Variants in RASGEF1C observed in about 807,000 individuals in gnomAD.
RASGEF1C encodes ras-GEF domain-containing family member 1C.
Under a neutral mutation model 58.1 loss-of-function variants are expected in RASGEF1C, and 27 were observed. The ratio of observed to expected loss-of-function variants is 0.46; its 90% confidence interval spans 0.34 to 0.64. The LOEUF (loss-of-function observed/expected upper bound fraction) is 0.64. Among genes scored for constraint, RASGEF1C ranks in the 30% least tolerant of loss-of-function variants. RASGEF1C has a pLI of 0.01. For synonymous variants in RASGEF1C, 243 were observed against 246.3 expected, an observed-to-expected ratio of 0.99 and a Z score of 0.13; for missense variants, 502 against 605.1, an observed-to-expected ratio of 0.83 and a Z score of 1.79.
intron 1 of RASGEF1C, among the ~76,000 whole-genome samples, chr5:180,160,842 C>G (rs1338822716): frequency 6.6e-6 from 1 of 152,156 alleles, no homozygotes; most frequent in Non-Finnish European, 1.5e-5. Flanking sequence ...TACAAGTGCT[C>G]GAAGGCACTT....
intron 4 of RASGEF1C, among the ~76,000 whole-genome samples, chr5:180,134,287 A>G (rs1363132227): frequency 6.6e-6 from 1 of 151,614 alleles, no homozygotes; most frequent in Non-Finnish European, 1.5e-5. Context: ...GGACTGGGGA[A>G]CTCCTATTCC....
At chr5:180,116,668 C>T (rs1378605308) in intron 10 of RASGEF1C, among the ~76,000 whole-genome samples, 1 of 152,250 alleles carries the variant, frequency 6.6e-6, no homozygotes, top group Non-Finnish European at 1.5e-5. Context: ...TCTACCTGCC[C>T]CACAGCCCCC....
At chr5:180,105,353 G>A (rs1055878796) in intron 12 of RASGEF1C, among the ~76,000 whole-genome samples, 3 of 150,108 alleles carry the variant, frequency 2.0e-5, no homozygotes, top group Non-Finnish European at 3.0e-5. Context: ...ACGAGGTCAG[G>A]AGATGGAGAC....
At chr5:180,188,345 G>A (rs191577956) in intron 1 of RASGEF1C, among the ~76,000 whole-genome samples, 48 of 152,338 alleles carry the variant, frequency 3.2e-4, no homozygotes, top group Non-Finnish European at 5.4e-4. Flanking sequence ...GTGAGTAACT[G>A]CTAATGAGTA....
intron 7 of RASGEF1C, among the ~76,000 whole-genome samples, chr5:180,120,243 G>A (rs930477238): frequency 3.9e-5 from 6 of 152,214 alleles, no homozygotes; most frequent in Admixed American, 2.0e-4. Context: ...AGAGAGCTGC[G>A]CACCCAAGGC....
chr5:180,130,476 T>G (rs901871235), intron 4 of RASGEF1C, among the ~76,000 whole-genome samples: 3 of 152,134 alleles, frequency 2.0e-5, no homozygotes, highest in Non-Finnish European at 2.9e-5. Context: ...CTCCTGTCTC[T>G]CTCCCAGGCA....
At chr5:180,182,410 A>T (rs1270096355) in intron 1 of RASGEF1C, among the ~76,000 whole-genome samples, 1 of 152,026 alleles carries the variant, frequency 6.6e-6, no homozygotes, top group Non-Finnish European at 1.5e-5. Context: ...AGCAGCCGCA[A>T]GATTTATTGT....
rs201318370 is a variant in RASGEF1C at position 180,118,602 on chromosome 5, G to A, written c.1083+7C>T. On this transcript the variant is annotated splice_region_variant and intron_variant, in intron 10 of 13. Coordinates refer to ENST00000361132, the MANE Select transcript of RASGEF1C (RefSeq NM_175062.4). ...AGCCCCCCTGGGCCAACGTGGCCCC[G>A]ACCTACCTTCTCTCGGCTGCTGTGG... 2.2e-5 allele frequency: 35 copies of A among 1,603,254 alleles called. No individual in the cohort carries two copies. Among genetic ancestry groups the A allele is most frequent in the South Asian group, 1.8e-4 (16 of 89,206 alleles).
intron 1 of RASGEF1C, among the ~76,000 whole-genome samples, chr5:180,192,679 T>C (rs555826110): frequency 6.6e-6 from 1 of 152,170 alleles, no homozygotes; most frequent in Admixed American, 6.5e-5. Context: ...ATAGTGACTA[T>C]ACGTAGAAAT....
At chr5:180,180,362 G>C (rs1419211922) in intron 1 of RASGEF1C, among the ~76,000 whole-genome samples, 1 of 152,234 alleles carries the variant, frequency 6.6e-6, no homozygotes, top group Non-Finnish European at 1.5e-5. Context: ...TAAAGCCAGT[G>C]CCACCACTGC....
chr5:180,162,333 C>T (rs188624699), intron 1 of RASGEF1C, among the ~76,000 whole-genome samples: 92 of 152,342 alleles, frequency 6.0e-4, no homozygotes, highest in African/African-American at 2.1e-3. Context: ...TCCAGCTGGG[C>T]TGGGCAGTGG....
chr5:180,176,612 A>G lies in RASGEF1C; in HGVS notation c.-7+32416T>C, dbSNP rs546773080. Among the ~76,000 whole-genome samples the G allele has an allele frequency of 9.9e-4, 146 of 147,960 alleles. 1 individual carries two copies. The highest frequency in any genetic ancestry group is 3.5e-3 in the Middle Eastern group (1 of 286). ...TGCTCTGTCGCCCAGGCTGGAGTGC[A>G]GTGGCGCAATCTCGGCTCACTGCAA... On this transcript the variant is annotated intron_variant, in intron 1 of 13. Transcript: ENST00000361132.
intron 1 of RASGEF1C, among the ~76,000 whole-genome samples, chr5:180,190,634 C>G (rs1756147498): frequency 6.6e-6 from 1 of 150,580 alleles, no homozygotes. Context: ...CACCACTGCT[C>G]TCCAGCCTAG....
At chr5:180,111,242 G>T (rs1765954207) in intron 12 of RASGEF1C, among the ~76,000 whole-genome samples, 1 of 152,126 alleles carries the variant, frequency 6.6e-6, no homozygotes, top group East Asian at 1.9e-4. Flanking sequence ...GGGTCCTTGA[G>T]GCCCCAGCTT....
chr5:180,160,780 C>T (rs533648012), intron 1 of RASGEF1C, among the ~76,000 whole-genome samples: 3 of 152,312 alleles, frequency 2.0e-5, no homozygotes, highest in Non-Finnish European at 2.9e-5. Flanking sequence ...AGCTTGAGAA[C>T]GTCCCTGTAA....
rs1360411710 is a variant in RASGEF1C at position 180,143,812 on chromosome 5, T to C, written c.-6-5754A>G. The stretch of plus-strand genomic sequence containing the variant: ...GGGTCCCCACATCCCTCAGCATGGG[T>C]GGCTGGCATTAAACATCTGCAAAAT... On this transcript the variant is annotated intron_variant, in intron 1 of 13. Coordinates refer to ENST00000361132, the MANE Select transcript of RASGEF1C (RefSeq NM_175062.4). This position sits in a 1 kb window ranked among gnomAD's most constrained non-coding sequence, Gnocchi z 4.3. Among the ~76,000 whole-genome samples the C allele has an allele frequency of 6.6e-6, 1 of 152,106 alleles. No individual in the cohort carries two copies. Among genetic ancestry groups the C allele is most frequent in the Non-Finnish European group, 1.5e-5 (1 of 68,024 alleles).
intron 1 of RASGEF1C, among the ~76,000 whole-genome samples, chr5:180,190,333 A>G (rs1291012994): frequency 6.6e-6 from 1 of 151,692 alleles, no homozygotes; most frequent in African/African-American, 2.4e-5. Context: ...TAAAAACAAA[A>G]CAAAAAATTA....
intron 1 of RASGEF1C, among the ~76,000 whole-genome samples, chr5:180,195,625 G>A (rs1320884399): frequency 3.3e-5 from 5 of 152,008 alleles, no homozygotes; most frequent in Admixed American, 1.3e-4. Flanking sequence ...AGCTGGGCGC[G>A]GTGGCGGGCG....
intron 1 of RASGEF1C, among the ~76,000 whole-genome samples, chr5:180,182,210 A>AAAAC (rs1767349082): frequency 7.0e-6 from 1 of 143,288 alleles, no homozygotes; most frequent in Non-Finnish European, 1.5e-5. Context: ...GTCTCAAAAA[A>AAAAC]AAAAAAAAAA....
Sources: gnomAD v4.1 joint callset for allele counts (sites outside exome capture counted in the v4.1 genomes callset) on GRCh38, gnomAD v4.1.1 for gene constraint, Gnocchi (gnomAD v3.1) non-coding constraint, MANE v1.5 for transcripts, NCBI Gene and HGNC (gene_info 2026-07-23, HGNC 2026-07-21) for gene names.